CUX1: variants seen among roughly 807,000 people sequenced by gnomAD.
CUX1 encodes the protein protein CASP.
A neutral mutation model predicts 158.8 loss-of-function variants in CUX1; 31 were observed. That is an observed-to-expected ratio of 0.20 (90% confidence interval 0.15 to 0.26). The LOEUF is 0.26. CUX1 is among the 10% of genes least tolerant of loss of function. The pLI, the probability that CUX1 is intolerant of heterozygous loss-of-function variation, is 1.00. For synonymous variants in CUX1, 879 were observed against 862.1 expected, an observed-to-expected ratio of 1.02 and a Z score of -0.34; for missense variants, 1,589 against 2,014.6, an observed-to-expected ratio of 0.79 and a Z score of 4.04.
At chr7:102,274,411 T>G in intron 16 of CUX1, 1 of 1,064,992 alleles carries the variant, frequency 9.4e-7, no homozygotes, top group Non-Finnish European at 1.4e-6. Context: ...TCCCTTCCTC[T>G]AAGAAGGTCA....
intron 3 of CUX1, among the ~76,000 whole-genome samples, chr7:102,045,870 G>A (rs1019802514): frequency 6.6e-5 from 10 of 152,158 alleles, no homozygotes; most frequent in African/African-American, 2.2e-4. Flanking sequence ...CTCCGCCAGG[G>A]GACCCGCTCC....
chr7:102,012,716 G>T (rs954718517), intron 2 of CUX1, among the ~76,000 whole-genome samples: 24 of 147,454 alleles, frequency 1.6e-4, no homozygotes, highest in African/African-American at 5.9e-4. Context: ...GGGGGGAGGG[G>T]GTTGTCCGTC....
chr7:101,872,739 G>A (rs1798706441), intron 1 of CUX1, among the ~76,000 whole-genome samples: 1 of 151,342 alleles, frequency 6.6e-6, no homozygotes, highest in African/African-American at 2.4e-5. Flanking sequence ...TCAAGATGAG[G>A]GTATTTTTTC....
In CUX1 at chr7:102,193,830, G is replaced by A; in HGVS notation, c.1077-12G>A. On this transcript the variant is annotated splice_polypyrimidine_tract_variant and intron_variant, in intron 12 of 23. Transcript: ENST00000292535. ...AAATAAATAAAATAACCCCTCTGTT[G>A]TGCTCTTGCAGCATTCTGAAGTCCA... 1.2e-6 allele frequency: 2 copies of A among 1,613,500 alleles called. No homozygotes were observed. Among genetic ancestry groups the A allele is most frequent in the African/African-American group, 1.3e-5 (1 of 74,998 alleles).
chr7:102,001,684 T>C (rs988359688), intron 2 of CUX1, among the ~76,000 whole-genome samples: 6 of 152,196 alleles, frequency 3.9e-5, no homozygotes, highest in African/African-American at 1.4e-4. Flanking sequence ...TTATTTGCAC[T>C]TATTCTTTTG....
chr7:101,931,039 T>C (rs1806231042), intron 2 of CUX1, among the ~76,000 whole-genome samples: 1 of 152,128 alleles, frequency 6.6e-6, no homozygotes, highest in South Asian at 2.1e-4. Flanking sequence ...GAGATTGCAG[T>C]GAGCCGAGAT....
intron 1 of CUX1, among the ~76,000 whole-genome samples, chr7:101,878,237 C>T (rs1400804125): frequency 6.6e-6 from 1 of 152,198 alleles, no homozygotes; most frequent in Non-Finnish European, 1.5e-5. Context: ...TACTGTGGGA[C>T]AGGACCCTCC....
At chr7:102,192,984 C>G (rs189619995) in intron 12 of CUX1, among the ~76,000 whole-genome samples, 2 of 152,366 alleles carry the variant, frequency 1.3e-5, no homozygotes, top group Admixed American at 1.3e-4. Flanking sequence ...CGGCCCTTTT[C>G]AGTGCCATTG....
chr7:102,269,849 G>A (rs1432526778), intron 14 of CUX1, among the ~76,000 whole-genome samples: 3 of 152,056 alleles, frequency 2.0e-5, no homozygotes, highest in African/African-American at 4.8e-5. Flanking sequence ...AGCTCTGACC[G>A]TTGGGGCCCT....
At position 102,254,056 on chromosome 7, in the gene CUX1, G is replaced by A. The variant is rs112759201; in HGVS notation, c.*5014G>A. The A allele has an allele frequency of 1.6e-5, 16 of 985,374 alleles. No homozygotes were observed. Among genetic ancestry groups the A allele is most frequent in the Non-Finnish European group, 1.9e-5 (16 of 829,972 alleles). 61.0% of individuals were successfully genotyped at this position (985,374 alleles called of 1,614,324 possible). Reference sequence around the variant, plus strand: ...AGCAGACACGAACATCCCTCTGCCTGGTGGGCCGGCTTTGTGTGTCTCTCC... The same window carrying A: ...AGCAGACACGAACATCCCTCTGCCTAGTGGGCCGGCTTTGTGTGTCTCTCC... On this transcript the variant is annotated 3_prime_UTR_variant, in exon 24 of 24. Transcript: ENST00000292535.
At chr7:101,826,995 C>G (rs1231887319) in intron 1 of CUX1, among the ~76,000 whole-genome samples, 3 of 152,122 alleles carry the variant, frequency 2.0e-5, no homozygotes. Context: ...TTGAAAGCTA[C>G]TGATAGGTAC....
chr7:102,215,847 G>A (rs1447623312), intron 20 of CUX1, among the ~76,000 whole-genome samples: 2 of 152,168 alleles, frequency 1.3e-5, no homozygotes, highest in Non-Finnish European at 2.9e-5. Flanking sequence ...CGCACACTGG[G>A]CCAACAGGCA....
At position 102,252,733 on chromosome 7, in the gene CUX1, C is replaced by T. The variant is rs1329349934; in HGVS notation, c.*3691C>T. The T allele has an allele frequency of 3.0e-6, 3 of 985,388 alleles. No homozygotes were observed. Among genetic ancestry groups the T allele is most frequent in the African/African-American group, 1.7e-5 (1 of 57,220 alleles). 61.0% of individuals were successfully genotyped at this position (985,388 alleles called of 1,614,324 possible). Reference sequence around the variant, plus strand: ...CCAGAGGAGTCTTCTGTCCTCCTCCCCAACCCCCGAGCTCCCTGGTAACCT... The same window carrying T: ...CCAGAGGAGTCTTCTGTCCTCCTCCTCAACCCCCGAGCTCCCTGGTAACCT... On this transcript the variant is annotated 3_prime_UTR_variant, in exon 24 of 24. Transcript: ENST00000292535.
chr7:101,890,603 G>A (rs146199988), intron 1 of CUX1, among the ~76,000 whole-genome samples: 8 of 152,134 alleles, frequency 5.3e-5, no homozygotes, highest in African/African-American at 1.9e-4. Flanking sequence ...TTGCGGGTCA[G>A]TACGGGGAAA....
intron 8 of CUX1, among the ~76,000 whole-genome samples, chr7:102,128,131 C>T (rs933074484): frequency 3.9e-5 from 6 of 152,188 alleles, no homozygotes; most frequent in African/African-American, 1.4e-4. Flanking sequence ...AGCCACCACG[C>T]CCAGCCGGCT....
intron 21 of CUX1, among the ~76,000 whole-genome samples, chr7:102,227,936 CTG>C (rs1193303899): frequency 1.3e-4 from 20 of 148,912 alleles, no homozygotes; most frequent in African/African-American, 4.9e-4. Context: ...TCCACACAGA[CTG>C]TCTCTTTTTT....
At chr7:102,170,656 C>T (rs1010429122) in intron 10 of CUX1, 106 bp downstream of exon 10, 27 of 740,048 alleles carry the variant, frequency 3.6e-5, no homozygotes, top group Non-Finnish European at 5.6e-5. Flanking sequence ...TTGGGAATCA[C>T]GTTTTAACTA....
chr7:101,967,407 A>G (rs1811366468), intron 2 of CUX1, among the ~76,000 whole-genome samples: 1 of 152,206 alleles, frequency 6.6e-6, no homozygotes, highest in South Asian at 2.1e-4. Flanking sequence ...ACACCGCGCT[A>G]GATCTGGTAG....
At chr7:102,152,129 T>C (rs1239837803) in intron 8 of CUX1, among the ~76,000 whole-genome samples, 1 of 152,096 alleles carries the variant, frequency 6.6e-6, no homozygotes, top group Non-Finnish European at 1.5e-5. Flanking sequence ...ATTGTTTGAG[T>C]TCAGGAGTTT....
Sources: allele counts gnomAD v4.1 joint callset (sites outside exome capture counted in the v4.1 genomes callset), GRCh38; gene constraint gnomAD v4.1.1; transcripts MANE v1.5; gene names NCBI Gene and HGNC (gene_info 2026-07-23, HGNC 2026-07-21).